CHSY3: variants seen among roughly 807,000 people sequenced by gnomAD.
CHSY3 encodes the protein N-acetylgalactosaminyl-proteoglycan 3-beta-glucuronosyltransferase 3.
A neutral mutation model predicts 67.2 loss-of-function variants in CHSY3; 35 were observed. The ratio of observed to expected loss-of-function variants is 0.52; its 90% CI spans 0.40 to 0.69. The LOEUF (loss-of-function observed/expected upper bound fraction) is 0.69. Among genes scored for constraint, CHSY3 ranks in the 30% least tolerant of loss-of-function variants. The pLI, the probability that CHSY3 is intolerant of heterozygous loss-of-function variation, is 0.00. For synonymous variants in CHSY3, 474 were observed against 434.7 expected (o/e 1.09, Z -1.12); for missense variants, 1,069 against 1,138.5 (o/e 0.94, Z 0.88).
intron 1 of CHSY3, 175 bp downstream of exon 1, chr5:129,905,806 G>T (rs1045464470): frequency 1.5e-5 from 20 of 1,312,798 alleles, no homozygotes; most frequent in East Asian, 2.7e-5. Flanking sequence ...TTCGTAGCCC[G>T]TTCCTCGTCT....
intron 2 of CHSY3, among the ~76,000 whole-genome samples, chr5:130,016,465 G>A (rs551285656): frequency 3.3e-5 from 5 of 152,324 alleles, no homozygotes; most frequent in African/African-American, 1.2e-4. Flanking sequence ...AGGCTGGAGT[G>A]CAGTGGCACG....
At chr5:130,161,688 T>A (rs895977705) in intron 2 of CHSY3, among the ~76,000 whole-genome samples, 2 of 152,232 alleles carry the variant, frequency 1.3e-5, no homozygotes, top group African/African-American at 4.8e-5. Flanking sequence ...ATAAAGAATG[T>A]TTATTCTATC....
intron 2 of CHSY3, among the ~76,000 whole-genome samples, chr5:130,121,972 C>T (rs1316309512): frequency 6.6e-6 from 1 of 152,066 alleles, no homozygotes; most frequent in African/African-American, 2.4e-5. Context: ...GTTCACCAAT[C>T]CAGCATCTAT....
intron 2 of CHSY3, among the ~76,000 whole-genome samples, chr5:130,128,392 G>A (rs189592562): frequency 1.1e-4 from 17 of 152,006 alleles, no homozygotes; most frequent in African/African-American, 4.1e-4. Flanking sequence ...TGGACTTGGA[G>A]GACATTATGC....
At chr5:129,955,556 G>A (rs1762147322) in intron 2 of CHSY3, among the ~76,000 whole-genome samples, 1 of 148,856 alleles carries the variant, frequency 6.7e-6, no homozygotes, top group Non-Finnish European at 1.5e-5. Flanking sequence ...AATCTTCAAA[G>A]TTTATTTAAC....
At chr5:130,051,977 A>G (rs1233251498) in intron 2 of CHSY3, 1 of 152,028 alleles carries the variant, frequency 6.6e-6, no homozygotes, top group East Asian at 1.9e-4. Context: ...CGAAAACAAA[A>G]CTGGAATGTA....
intron 2 of CHSY3, among the ~76,000 whole-genome samples, chr5:130,022,623 G>C (rs1764426396): frequency 6.6e-6 from 1 of 151,726 alleles, no homozygotes; most frequent in Admixed American, 6.6e-5. Flanking sequence ...ATACATTTTT[G>C]ACCAGGGAGT....
intron 2 of CHSY3, among the ~76,000 whole-genome samples, chr5:129,988,325 T>C (rs1763263361): frequency 6.6e-6 from 1 of 152,162 alleles, no homozygotes. Context: ...CATAGCTCAT[T>C]CATCTAAAAA....
At chr5:130,146,608 C>T (rs1331233668) in intron 2 of CHSY3, among the ~76,000 whole-genome samples, 1 of 151,888 alleles carries the variant, frequency 6.6e-6, no homozygotes, top group African/African-American at 2.4e-5. Flanking sequence ...AGAAGATAGG[C>T]TTTTTAAAAT....
intron 2 of CHSY3, among the ~76,000 whole-genome samples, chr5:130,115,736 C>G (rs188998301): frequency 1.4e-3 from 218 of 152,276 alleles, no homozygotes; most frequent in African/African-American, 5.0e-3. Flanking sequence ...GAATTTCAGA[C>G]AACCAAAAAC....
intron 2 of CHSY3, among the ~76,000 whole-genome samples, chr5:130,004,348 A>G (rs767563333): frequency 2.2e-4 from 34 of 152,190 alleles, no homozygotes; most frequent in Non-Finnish European, 4.7e-4. Context: ...GTGTTTTTCA[A>G]CGTTTACAAT....
chr5:130,046,039 A>C (rs1765136972), intron 2 of CHSY3, among the ~76,000 whole-genome samples: 1 of 152,138 alleles, frequency 6.6e-6, no homozygotes. Context: ...TAATGCTAGC[A>C]ATACTTAACT....
chr5:130,036,817 T>G (rs1190614504), intron 2 of CHSY3, among the ~76,000 whole-genome samples: 3 of 152,134 alleles, frequency 2.0e-5, no homozygotes, highest in African/African-American at 7.2e-5. Context: ...TTGTGTTATG[T>G]GTATTGAGGA....
chr5:129,930,332 CAA>C (rs57461404), intron 2 of CHSY3, among the ~76,000 whole-genome samples: 62 of 74,150 alleles, frequency 8.4e-4, no homozygotes, highest in Admixed American at 1.1e-3. Flanking sequence ...GACTCTATCT[CAA>C]AAAAAAAAAA....
intron 2 of CHSY3, among the ~76,000 whole-genome samples, chr5:130,113,110 ACG>A (rs67836040): frequency 0.59 from 89,029 of 151,376 alleles, 27,324 homozygotes; most frequent in African/African-American, 0.76. Flanking sequence ...ATGATATAAT[ACG>A]TGTGTGTGTG....
intron 2 of CHSY3, among the ~76,000 whole-genome samples, chr5:130,085,417 A>G (rs1766583390): frequency 6.6e-6 from 1 of 152,030 alleles, no homozygotes; most frequent in Non-Finnish European, 1.5e-5. Context: ...AGCATCTTCT[A>G]TCTTGGTTGA....
rs1361255646 is a variant in CHSY3 at position 130,185,650 on chromosome 5, T to C, written c.2508T>C (p.Val836=). The C allele has an allele frequency of 6.2e-7, 1 of 1,613,928 alleles. No homozygotes were observed. The highest frequency in any genetic ancestry group is 8.5e-7 in the Non-Finnish European group (1 of 1,179,964). The change falls in exon 3 of 3, where the codon GTT becomes GTC. Residue 836 remains valine, a synonymous_variant. Coordinates refer to ENST00000305031, the MANE Select transcript of CHSY3 (RefSeq NM_175856.5). The part of the protein sequence containing the change: ...EVGVVHIFHP[V]HCDPNLDPKQ... ...GAGTGGTGCATATTTTCCATCCAGT[T>C]CATTGTGATCCTAACTTGGACCCTA...
intron 2 of CHSY3, among the ~76,000 whole-genome samples, chr5:130,177,308 T>C (rs1033405204): frequency 2.0e-5 from 3 of 151,984 alleles, no homozygotes; most frequent in Admixed American, 2.0e-4. Context: ...CAATTTATTT[T>C]TCTGAACAAT....
At chr5:129,927,440 T>C (rs1288714071) in intron 2 of CHSY3, among the ~76,000 whole-genome samples, 1 of 152,020 alleles carries the variant, frequency 6.6e-6, no homozygotes, top group East Asian at 1.9e-4. Flanking sequence ...CCCAAAACCC[T>C]TAAAATATCC....
Sources: allele counts gnomAD v4.1 joint callset (sites outside exome capture counted in the v4.1 genomes callset), GRCh38; gene constraint gnomAD v4.1.1; transcripts MANE v1.5; gene names NCBI Gene and HGNC (gene_info 2026-07-23, HGNC 2026-07-21).